LCLAT1: variants seen among roughly 807,000 people sequenced by gnomAD.
The protein encoded by LCLAT1 is lysocardiolipin acyltransferase 1, also known as 1-AGP acyltransferase 8.
In LCLAT1, 11 loss-of-function variants were observed where a neutral mutation model predicts 30.7. The ratio of observed to expected loss-of-function variants is 0.36; its 90% confidence interval spans 0.23 to 0.59. The LOEUF (loss-of-function observed/expected upper bound fraction) is 0.59. Ranked by LOEUF, LCLAT1 falls within the 20% of genes least tolerant of loss-of-function variation. The pLI, the probability that LCLAT1 is intolerant of heterozygous loss-of-function variation, is 0.77. For synonymous variants in LCLAT1, 155 were observed against 151.3 expected (o/e 1.02, Z -0.18); for missense variants, 402 against 458.6 (o/e 0.88, Z 1.13).
At chr2:30,526,336 A>G (rs1458140443) in intron 2 of LCLAT1, among the ~76,000 whole-genome samples, 2 of 151,520 alleles carry the variant, frequency 1.3e-5, no homozygotes, top group Admixed American at 6.6e-5. Flanking sequence ...TGTATTTTTC[A>G]TATTGAATGA....
At chr2:30,606,004 T>C (rs1667426392) in intron 5 of LCLAT1, 3 of 1,293,364 alleles carry the variant, frequency 2.3e-6, no homozygotes, top group Admixed American at 4.7e-5. Flanking sequence ...CACTCCCCAC[T>C]CTGTTGATCA....
intron 3 of LCLAT1, among the ~76,000 whole-genome samples, chr2:30,537,195 C>G (rs891607561): frequency 1.3e-5 from 2 of 152,116 alleles, no homozygotes; most frequent in African/African-American, 4.8e-5. Flanking sequence ...TCCTGGCTAA[C>G]AAGGTGAAAC....
intron 3 of LCLAT1, among the ~76,000 whole-genome samples, chr2:30,545,343 A>G (rs753273548): frequency 5.3e-5 from 8 of 152,092 alleles, no homozygotes; most frequent in African/African-American, 9.7e-5. Flanking sequence ...TAAGATTGCT[A>G]TGCGCATTTT....
rs1669418707 is a variant in LCLAT1 at position 30,643,412 on chromosome 2, T to A, written c.*2793T>A. 7.2e-6 allele frequency: 1 copy of A among 138,508 alleles called. No individual in the cohort carries two copies. Among genetic ancestry groups the A allele is most frequent in the African/African-American group, 2.8e-5 (1 of 36,028 alleles). The allele number at this position is 138,508 out of a possible 1,614,324, so 8.6% of individuals were successfully genotyped here. A position where few individuals can be genotyped will look rare whatever the true frequency, so the allele number is the denominator to read the frequency against. Reference sequence around the variant, plus strand: ...AAATAAGCCAAAATAATCCTAAAATTCATTAGAAGAACTTGATAAAAGACT... The same window carrying A: ...AAATAAGCCAAAATAATCCTAAAATACATTAGAAGAACTTGATAAAAGACT... On this transcript the variant is annotated 3_prime_UTR_variant, in exon 6 of 6. Coordinates refer to ENST00000379509, the MANE Select transcript of LCLAT1 (RefSeq NM_001002257.3).
chr2:30,493,952 A>G (rs1478312302), intron 1 of LCLAT1, among the ~76,000 whole-genome samples: 1 of 152,178 alleles, frequency 6.6e-6, no homozygotes, highest in African/African-American at 2.4e-5. Flanking sequence ...CAGGCGTTCA[A>G]GACCAGCCTG....
chr2:30,488,895 C>T (rs1346369556), intron 1 of LCLAT1, among the ~76,000 whole-genome samples: 2 of 152,216 alleles, frequency 1.3e-5, no homozygotes, highest in Non-Finnish European at 2.9e-5. Flanking sequence ...TTACCTTGCC[C>T]ATAAGGACAT....
intron 3 of LCLAT1, among the ~76,000 whole-genome samples, chr2:30,544,432 A>G (rs1184492386): frequency 2.6e-5 from 4 of 152,214 alleles, no homozygotes; most frequent in Admixed American, 2.6e-4. Context: ...TCTTTATGCA[A>G]TACAGGAATC....
chr2:30,579,466 C>CA (rs1264292517), intron 5 of LCLAT1, among the ~76,000 whole-genome samples: 1 of 152,132 alleles, frequency 6.6e-6, no homozygotes, highest in Non-Finnish European at 1.5e-5. Context: ...GTATAACAAA[C>CA]ACATCCTTAT....
chr2:30,477,714 T>A (rs1383444722), intron 1 of LCLAT1, among the ~76,000 whole-genome samples: 1 of 152,136 alleles, frequency 6.6e-6, no homozygotes, highest in Non-Finnish European at 1.5e-5. Context: ...GAAATTAAAT[T>A]GGAGGCTTTC....
intron 5 of LCLAT1, among the ~76,000 whole-genome samples, chr2:30,581,699 C>A (rs1431502513): frequency 6.6e-6 from 1 of 152,088 alleles, no homozygotes; most frequent in East Asian, 1.9e-4. Context: ...TATGTGGAAG[C>A]TTTAAAAGTT....
intron 3 of LCLAT1, among the ~76,000 whole-genome samples, chr2:30,548,430 A>G (rs1318846536): frequency 6.6e-6 from 1 of 152,226 alleles, no homozygotes; most frequent in Non-Finnish European, 1.5e-5. Flanking sequence ...AACTTAAAGC[A>G]GGGGCTTCCA....
chr2:30,638,349 C>G (rs888337365), intron 5 of LCLAT1, among the ~76,000 whole-genome samples: 1 of 152,118 alleles, frequency 6.6e-6, no homozygotes, highest in African/African-American at 2.4e-5. Flanking sequence ...TCTGATTTTT[C>G]TGACATATGT....
At chr2:30,608,522 G>A (rs1454392857) in intron 5 of LCLAT1, among the ~76,000 whole-genome samples, 4 of 151,906 alleles carry the variant, frequency 2.6e-5, no homozygotes, top group Admixed American at 6.6e-5. Flanking sequence ...CTCCATTCAT[G>A]GTAAGTGCCC....
chr2:30,577,139 T>A (rs2363077), intron 5 of LCLAT1, among the ~76,000 whole-genome samples: 87,175 of 149,800 alleles, frequency 0.58, 26,531 homozygotes, highest in Non-Finnish European at 0.68. Context: ...ATATATTTTG[T>A]CACATAGGCT....
rs547959885 is a variant in LCLAT1 at position 30,634,918 on chromosome 2, A to C, written c.629-5199A>C. 3.3e-4 allele frequency among the ~76,000 whole-genome samples: 50 copies of C among 152,304 alleles called. 1 individual carries two copies. The South Asian group carries it at 0.01, about 31-fold the overall frequency. ...TCTTTCACCTGTTCCCTATACGGAG[A>C]AGCTCAGTTGTTTGTTGGTACTGGC... On this transcript the variant is annotated intron_variant, in intron 5 of 5. Transcript: ENST00000379509.
intron 1 of LCLAT1, among the ~76,000 whole-genome samples, chr2:30,499,139 G>A (rs999617168): frequency 2.6e-5 from 4 of 152,172 alleles, no homozygotes; most frequent in Non-Finnish European, 4.4e-5. Context: ...ATAGAGGTGA[G>A]GAGTGGGGTT....
intron 1 of LCLAT1, among the ~76,000 whole-genome samples, chr2:30,505,328 CT>C (rs3061277): frequency 0.042 from 5,758 of 138,216 alleles, 125 homozygotes; most frequent in Non-Finnish European, 0.055. Context: ...AGGGGCAAAA[CT>C]TTTTTTTTTT....
intron 3 of LCLAT1, among the ~76,000 whole-genome samples, chr2:30,556,808 C>T (rs1043691956): frequency 1.4e-5 from 2 of 147,036 alleles, no homozygotes; most frequent in Non-Finnish European, 3.0e-5. Context: ...TGCAGTGGCA[C>T]GATCTCGGCG....
Position 30,568,095 on chromosome 2 carries a change from A to C in LCLAT1, c.547A>C (p.Lys183Gln), listed in dbSNP as rs1233910394. The C allele has an allele frequency of 6.2e-7, 1 of 1,605,768 alleles. No homozygotes were observed. The highest frequency in any genetic ancestry group is 8.5e-7 in the Non-Finnish European group (1 of 1,174,814). The change falls in exon 5 of 6, where the codon AAA becomes CAA. Residue 183 changes from lysine (K) to glutamine (Q), a missense_variant. By Grantham distance (53) the Lys-to-Gln change is moderately conservative (BLOSUM62 1). Transcript: ENST00000379509. The stretch of plus-strand genomic sequence containing the variant: ...GTCTCGAAGTAATGCATTTGCTGAA[A>C]AAAATGGACTTCAGAAATATGAATA... ...SKSRSNAFAE[K>Q]NGLQKYEYVL...
Sources: allele counts gnomAD v4.1 joint callset (sites outside exome capture counted in the v4.1 genomes callset), GRCh38; gene constraint gnomAD v4.1.1; transcripts MANE v1.5; gene names NCBI Gene and HGNC (gene_info 2026-07-23, HGNC 2026-07-21).